The following GRIA4 variants were observed in gnomAD, a reference collection of about 807,000 sequenced individuals.
GRIA4 encodes the protein glutamate ionotropic receptor AMPA type subunit 4, also known as glutamate receptor 4.
GRIA4 carries 34 observed loss-of-function variants against 104.0 expected under a neutral mutation model. That is an observed-to-expected ratio of 0.33 (90% confidence interval 0.25 to 0.44). GRIA4 has a LOEUF of 0.44. GRIA4 is among the 20% of genes least tolerant of loss of function. The probability of loss-of-function intolerance (pLI) is 1.00; values close to 1 mark genes in which losing one functional copy is unlikely to be tolerated. For synonymous variants in GRIA4, 386 were observed against 381.9 expected (o/e 1.01, Z -0.13); for missense variants, 750 against 1,096.5 (o/e 0.68, Z 4.46).
intron 3 of GRIA4, among the ~76,000 whole-genome samples, chr11:105,681,610 G>A (rs1952712632): frequency 1.3e-5 from 2 of 152,066 alleles, no homozygotes; most frequent in Non-Finnish European, 2.9e-5. Context: ...GAATTGAGAT[G>A]TTCTGTAAGT....
At chr11:105,662,148 T>C (rs187178943) in intron 3 of GRIA4, among the ~76,000 whole-genome samples, 1 of 151,956 alleles carries the variant, frequency 6.6e-6, no homozygotes, top group African/African-American at 2.4e-5. Context: ...CATAACGTAA[T>C]CATTGTTGAT....
chr11:105,947,775 T>A (rs1272849659), intron 14 of GRIA4, among the ~76,000 whole-genome samples: 1 of 152,164 alleles, frequency 6.6e-6, no homozygotes, highest in Non-Finnish European at 1.5e-5. Flanking sequence ...TAGAAGCAAA[T>A]GTAGGTGAGA....
chr11:105,822,284 G>T (rs1943602398), intron 4 of GRIA4, among the ~76,000 whole-genome samples: 1 of 152,010 alleles, frequency 6.6e-6, no homozygotes, highest in South Asian at 2.1e-4. Flanking sequence ...AATCAGAGTG[G>T]CTCTTTGAGT....
At chr11:105,724,168 C>G (rs1022278969) in intron 3 of GRIA4, among the ~76,000 whole-genome samples, 3 of 151,918 alleles carry the variant, frequency 2.0e-5, no homozygotes, top group Non-Finnish European at 4.4e-5. Context: ...TGGATATTTA[C>G]CCAATAAACA....
chr11:105,978,470 C>T (rs915171344), intron 16 of GRIA4, among the ~76,000 whole-genome samples: 6 of 152,076 alleles, frequency 3.9e-5, no homozygotes, highest in Non-Finnish European at 7.4e-5. Flanking sequence ...AGCAATTTGA[C>T]TTCAACTTTC....
At chr11:105,840,213 T>C (rs1245594443) in intron 4 of GRIA4, among the ~76,000 whole-genome samples, 1 of 152,202 alleles carries the variant, frequency 6.6e-6, no homozygotes, top group Non-Finnish European at 1.5e-5. Flanking sequence ...CTTTTACTCA[T>C]TTTTTTAGGC....
chr11:105,685,127 A>G (rs1952834124), intron 3 of GRIA4, among the ~76,000 whole-genome samples: 1 of 143,058 alleles, frequency 7.0e-6, no homozygotes, highest in Non-Finnish European at 1.5e-5. Flanking sequence ...GGAAGGAAGG[A>G]AAGAAGGGAG....
chr11:105,951,310 A>T (rs2034012362), intron 14 of GRIA4, among the ~76,000 whole-genome samples: 1 of 152,234 alleles, frequency 6.6e-6, no homozygotes, highest in Non-Finnish European at 1.5e-5. Context: ...CATGCTGTTT[A>T]TGTAACAGAG....
intron 13 of GRIA4, among the ~76,000 whole-genome samples, chr11:105,930,445 CCT>C (rs1491435097): frequency 6.6e-6 from 1 of 151,956 alleles, no homozygotes; most frequent in African/African-American, 2.4e-5. Context: ...TCTGTGGATT[CCT>C]CTTTCTTCCA....
chr11:105,654,703 C>G (rs1951790932), intron 3 of GRIA4, among the ~76,000 whole-genome samples: 1 of 152,074 alleles, frequency 6.6e-6, no homozygotes, highest in African/African-American at 2.4e-5. Flanking sequence ...GAGTAACCAC[C>G]AGATAGATCA....
intron 4 of GRIA4, among the ~76,000 whole-genome samples, chr11:105,806,466 T>C (rs1452658365): frequency 6.6e-6 from 1 of 151,772 alleles, no homozygotes; most frequent in Non-Finnish European, 1.5e-5. Flanking sequence ...TGATTGAAAA[T>C]GTATTTAAAA....
intron 14 of GRIA4, among the ~76,000 whole-genome samples, chr11:105,954,852 G>A (rs1948543791): frequency 6.7e-6 from 1 of 150,346 alleles, no homozygotes; most frequent in Admixed American, 6.6e-5. Flanking sequence ...TGAGACCACT[G>A]GTGTATACCA....
chr11:105,716,936 C>T (rs1954112386), intron 3 of GRIA4, among the ~76,000 whole-genome samples: 1 of 152,034 alleles, frequency 6.6e-6, no homozygotes, highest in Admixed American at 6.6e-5. Flanking sequence ...GGCAGTTGCT[C>T]TAATCCATAA....
chr11:105,906,883 C>T (rs990640930), intron 9 of GRIA4, among the ~76,000 whole-genome samples: 2 of 152,160 alleles, frequency 1.3e-5, no homozygotes, highest in Non-Finnish European at 2.9e-5. Context: ...ATAGGATATT[C>T]CACAGGCCCC....
intron 3 of GRIA4, among the ~76,000 whole-genome samples, chr11:105,687,170 TA>T (rs1276984371): frequency 3.3e-5 from 5 of 152,090 alleles, no homozygotes; most frequent in Non-Finnish European, 5.9e-5. Flanking sequence ...GTTTCCTAGG[TA>T]AAAAAGAAGA....
intron 14 of GRIA4, among the ~76,000 whole-genome samples, chr11:105,951,434 T>C (rs546345370): frequency 3.3e-5 from 5 of 152,332 alleles, no homozygotes; most frequent in African/African-American, 1.2e-4. Flanking sequence ...CTTGAAGAAC[T>C]TCACTAGCTA....
At chr11:105,617,400 A>C (rs1301952446) in intron 3 of GRIA4, among the ~76,000 whole-genome samples, 1 of 151,864 alleles carries the variant, frequency 6.6e-6, no homozygotes, top group Non-Finnish European at 1.5e-5. Flanking sequence ...TCTTCCAAAG[A>C]CTATCTAGTA....
intron 4 of GRIA4, among the ~76,000 whole-genome samples, chr11:105,772,756 A>G (rs1328348871): frequency 2.6e-5 from 4 of 152,124 alleles, no homozygotes; most frequent in Non-Finnish European, 2.9e-5. Flanking sequence ...TGTAAAGAAT[A>G]TATACGTCTT....
chr11:105,814,727 A>G (rs1461905830), intron 4 of GRIA4, among the ~76,000 whole-genome samples: 1 of 152,204 alleles, frequency 6.6e-6, no homozygotes, highest in African/African-American at 2.4e-5. Context: ...AAGAACATGA[A>G]ATATATACAG....
Sources: allele counts gnomAD v4.1 joint callset (sites outside exome capture counted in the v4.1 genomes callset), GRCh38; gene constraint gnomAD v4.1.1; transcripts MANE v1.5; gene names NCBI Gene and HGNC (gene_info 2026-07-23, HGNC 2026-07-21).